ZNF713: variants seen among roughly 807,000 people sequenced by gnomAD.
ZNF713 encodes the protein zinc finger protein 713.
Under a neutral mutation model 28.7 loss-of-function variants are expected in ZNF713, and 21 were observed. That is an observed-to-expected ratio of 0.73 (90% CI 0.52 to 1.05). The LOEUF (loss-of-function observed/expected upper bound fraction) is 1.05. Ranked by LOEUF, ZNF713 falls within the 50% of genes least tolerant of loss-of-function variation. ZNF713 has a pLI of 0.00. For synonymous variants in ZNF713, 167 were observed against 178.0 expected (o/e 0.94, Z 0.49); for missense variants, 458 against 532.4 (o/e 0.86, Z 1.37).
intron 1 of ZNF713, among the ~76,000 whole-genome samples, chr7:55,896,509 A>G (rs1785474303): frequency 6.6e-6 from 1 of 152,000 alleles, no homozygotes; most frequent in African/African-American, 2.4e-5. Flanking sequence ...GGTAAGGAAA[A>G]AGGGAAGACT....
intron 4 of ZNF713, among the ~76,000 whole-genome samples, chr7:55,920,900 C>T (rs531180048): frequency 1.9e-4 from 29 of 152,214 alleles, no homozygotes; most frequent in African/African-American, 6.3e-4. Context: ...GGATTACAGG[C>T]GTGAGCCACC....
At chr7:55,920,237 TGATTAA>T (rs1418226784) in intron 4 of ZNF713, among the ~76,000 whole-genome samples, 1 of 152,208 alleles carries the variant, frequency 6.6e-6, no homozygotes, top group African/African-American at 2.4e-5. Flanking sequence ...GCTTTGAAAC[TGATTAA>T]GATTAAATGA....
At chr7:55,893,981 A>C (rs1226155357) in intron 1 of ZNF713, among the ~76,000 whole-genome samples, 1 of 152,196 alleles carries the variant, frequency 6.6e-6, no homozygotes, top group Non-Finnish European at 1.5e-5. Flanking sequence ...GGGCAGGAGA[A>C]GGCCAGAGAG....
chr7:55,888,268 AT>A (rs1323731670), intron 1 of ZNF713, among the ~76,000 whole-genome samples: 1 of 151,950 alleles, frequency 6.6e-6, no homozygotes, highest in East Asian at 1.9e-4. Context: ...TTAGGTAGAG[AT>A]TACCTTTTTC....
chr7:55,894,283 A>G (rs1052671232), intron 1 of ZNF713, among the ~76,000 whole-genome samples: 2 of 152,194 alleles, frequency 1.3e-5, no homozygotes, highest in African/African-American at 4.8e-5. Flanking sequence ...TTTCCTTGAA[A>G]TGTTCAGGGT....
At chr7:55,913,256 C>G (rs1785820810) in intron 4 of ZNF713, among the ~76,000 whole-genome samples, 1 of 131,194 alleles carries the variant, frequency 7.6e-6, no homozygotes, top group South Asian at 2.4e-4. Flanking sequence ...GGCTGGAGTG[C>G]AGTGGCACGA....
At chr7:55,932,372 A>T (rs1786228045) in intron 6 of ZNF713, among the ~76,000 whole-genome samples, 1 of 151,372 alleles carries the variant, frequency 6.6e-6, no homozygotes, top group African/African-American at 2.4e-5. Flanking sequence ...CTACCAAAAA[A>T]AAAAAGGCAG....
intron 6 of ZNF713, among the ~76,000 whole-genome samples, chr7:55,932,890 CAAAAAAA>C (rs61092452): frequency 4.2e-5 from 2 of 47,784 alleles, no homozygotes; most frequent in Non-Finnish European, 7.0e-5. Flanking sequence ...GACTCCGTCT[CAAAAAAA>C]AAAAAAAAAA....
intron 4 of ZNF713, among the ~76,000 whole-genome samples, chr7:55,917,290 G>A (rs1369855544): frequency 6.7e-6 from 1 of 150,056 alleles, no homozygotes; most frequent in Admixed American, 6.6e-5. Context: ...TATAAGCAAA[G>A]TAAAAAGACA....
intron 1 of ZNF713, among the ~76,000 whole-genome samples, chr7:55,905,757 T>C (rs1785666850): frequency 6.6e-6 from 1 of 152,072 alleles, no homozygotes; most frequent in African/African-American, 2.4e-5. Flanking sequence ...TTATGTGATT[T>C]TGATGTAGAT....
intron 2 of ZNF713, among the ~76,000 whole-genome samples, chr7:55,908,562 T>C (rs1751796959): frequency 6.6e-6 from 1 of 152,182 alleles, no homozygotes; most frequent in African/African-American, 2.4e-5. Flanking sequence ...GTTTCATATG[T>C]TCGTTGGCTG....
chr7:55,927,601 A>G (rs543151127), intron 6 of ZNF713, among the ~76,000 whole-genome samples: 2 of 152,024 alleles, frequency 1.3e-5, no homozygotes, highest in Non-Finnish European at 2.9e-5. Flanking sequence ...AGTAGAGAGG[A>G]CAAGTAAAAA....
Position 55,921,606 on chromosome 7 carries a change from A to C in ZNF713, c.88-1556A>C, listed in dbSNP as rs1244098720. Among the ~76,000 whole-genome samples, 5 of 152,242 alleles carry C rather than the reference A, an allele frequency of 3.3e-5. 1 individual carries two copies. The highest frequency in any genetic ancestry group is 1.2e-4 in the African/African-American group (5 of 41,460). ...AGGAACAAACTGCAGGCATGGTGGA[A>C]ATAGCAAGAGAACTAGAATTAGAAG... is the stretch of plus-strand genomic sequence containing the variant. On this transcript the variant is annotated intron_variant, in intron 4 of 6. Coordinates refer to ENST00000429591, the MANE Select transcript of ZNF713 (RefSeq NM_182633.3).
Position 55,914,307 on chromosome 7 carries a change from A to T in ZNF713, c.87+1584A>T, listed in dbSNP as rs1785840714. ...ATTTCTATCATTCCAATTATATGTG[A>T]TAATCATTATCCTTATGTAGCCAAT... On this transcript the variant is annotated intron_variant, in intron 4 of 6. Transcript: ENST00000429591. Among the ~76,000 whole-genome samples the T allele has an allele frequency of 2.0e-5, 3 of 152,210 alleles. No individual in the cohort carries two copies. In the South Asian group the frequency reaches 6.2e-4, roughly 32 times the overall value.
intron 1 of ZNF713, among the ~76,000 whole-genome samples, chr7:55,899,188 C>T (rs1785525408): frequency 6.6e-6 from 1 of 151,058 alleles, no homozygotes; most frequent in Non-Finnish European, 1.5e-5. Context: ...CCCGTCTCTA[C>T]TAAAACTACA....
chr7:55,892,555 CAAAA>C (rs56338467), intron 1 of ZNF713, among the ~76,000 whole-genome samples: 5 of 74,366 alleles, frequency 6.7e-5, no homozygotes, highest in East Asian at 4.7e-4. Flanking sequence ...AAGCACTGAC[CAAAA>C]AAAAAAAAAA....
At chr7:55,914,543 A>C (rs1167941568) in intron 4 of ZNF713, among the ~76,000 whole-genome samples, 1 of 152,180 alleles carries the variant, frequency 6.6e-6, no homozygotes. Flanking sequence ...TCAGAAATGC[A>C]TAATGTTGGA....
chr7:55,893,700 C>T (rs1370822455), intron 1 of ZNF713, among the ~76,000 whole-genome samples: 1 of 152,166 alleles, frequency 6.6e-6, no homozygotes, highest in African/African-American at 2.4e-5. Flanking sequence ...GTGCCTCAGC[C>T]TCCCGAGTAG....
rs575144679 is a variant in ZNF713 at position 55,897,804 on chromosome 7, G to A, written c.-582-8449G>A. ...TGAACATATTGACGTCATAAACATA[G>A]TAGACATATTGACATTGTATAGAGT... On this transcript the variant is annotated intron_variant, in intron 1 of 6. Transcript: ENST00000429591. Among the ~76,000 whole-genome samples the A allele has an allele frequency of 7.2e-4, 109 of 152,260 alleles. 1 individual carries two copies. Among genetic ancestry groups the A allele is most frequent in the African/African-American group, 2.6e-3 (106 of 41,546 alleles).
Sources: gnomAD v4.1 joint callset for allele counts (sites outside exome capture counted in the v4.1 genomes callset) on GRCh38, gnomAD v4.1.1 for gene constraint, MANE v1.5 for transcripts, NCBI Gene and HGNC (gene_info 2026-07-23, HGNC 2026-07-21) for gene names.